IPO8: variants seen among roughly 807,000 people sequenced by gnomAD.
IPO8 encodes the protein importin 8.
Under a neutral mutation model 141.2 loss-of-function variants are expected in IPO8, and 65 were observed. That is an observed-to-expected ratio of 0.46 (90% CI 0.38 to 0.57). IPO8 has a LOEUF of 0.57. Ranked by LOEUF, IPO8 falls within the 20% of genes least tolerant of loss-of-function variation. The pLI is 0.00. For missense variants in IPO8, 980 were observed against 1,246.8 expected (o/e 0.79, Z 3.22); for synonymous variants, 411 against 420.3 (o/e 0.98, Z 0.27).
intron 23 of IPO8, 42 bp from the exon 24 acceptor site, chr12:30,632,053 T>C: frequency 7.5e-7 from 1 of 1,328,808 alleles, no homozygotes; most frequent in Non-Finnish European, 1.1e-6. Context: ...GTACAGCGAC[T>C]ATTAATTTAC....
chr12:30,674,777 T>C (rs1353539597), intron 6 of IPO8, 24 bp from the exon 7 acceptor site: 2 of 1,450,126 alleles, frequency 1.4e-6, no homozygotes, highest in Admixed American at 1.7e-5. Flanking sequence ...ATTACCCAGA[T>C]TAAAGTTCTG....
intron 14 of IPO8, 76 bp downstream of exon 14, chr12:30,663,413 T>C (rs2052916042): frequency 1.6e-6 from 2 of 1,254,722 alleles, no homozygotes; most frequent in Non-Finnish European, 2.2e-6. Flanking sequence ...CCCTCAGACA[T>C]GGAGATGCAT....
At chr12:30,666,028 C>T (rs1280919271) in intron 11 of IPO8, 147 bp downstream of exon 11, 1 of 641,760 alleles carries the variant, frequency 1.6e-6, no homozygotes, top group Non-Finnish European at 2.6e-6. Context: ...CCCCCTTTCC[C>T]CTCACCAGGA....
chr12:30,644,180 CCA>C (rs1393405868), intron 20 of IPO8, among the ~76,000 whole-genome samples: 4 of 152,060 alleles, frequency 2.6e-5, no homozygotes, highest in Admixed American at 6.5e-5. Context: ...GCGGCCAAAA[CCA>C]CATAGTGAGA....
chr12:30,653,441 C>T (rs1394717100), intron 17 of IPO8, among the ~76,000 whole-genome samples: 2 of 151,896 alleles, frequency 1.3e-5, no homozygotes, highest in East Asian at 1.9e-4. Flanking sequence ...TCATTTATGT[C>T]GAGGATTTAA....
At chr12:30,693,020 AT>A (rs1799945000) in intron 1 of IPO8, among the ~76,000 whole-genome samples, 1 of 152,222 alleles carries the variant, frequency 6.6e-6, no homozygotes, top group African/African-American at 2.4e-5. Context: ...ACATAAACAA[AT>A]TATCTTAATA....
intron 3 of IPO8, 43 bp from the exon 4 acceptor site, chr12:30,681,860 A>C: frequency 6.6e-7 from 1 of 1,514,846 alleles, no homozygotes; most frequent in Non-Finnish European, 9.0e-7. Flanking sequence ...AGTAATTATA[A>C]ATACTGTGTT....
At chr12:30,694,792 G>A (rs942390444) in intron 1 of IPO8, among the ~76,000 whole-genome samples, 3 of 152,136 alleles carry the variant, frequency 2.0e-5, no homozygotes, top group African/African-American at 7.2e-5. Context: ...TTTAGTAAGA[G>A]GTCTGTGATT....
At chr12:30,660,779 T>A (rs916291837) in intron 16 of IPO8, among the ~76,000 whole-genome samples, 3 of 152,174 alleles carry the variant, frequency 2.0e-5, no homozygotes, top group African/African-American at 7.2e-5. Flanking sequence ...TGTCACTCTC[T>A]ACCAAGAATT....
At chr12:30,693,982 A>G (rs2053314841) in intron 1 of IPO8, among the ~76,000 whole-genome samples, 1 of 152,204 alleles carries the variant, frequency 6.6e-6, no homozygotes, top group Non-Finnish European at 1.5e-5. Context: ...GCTTTCTCAT[A>G]TACTTTTTCC....
At chr12:30,642,089 G>C (rs1245081336) in intron 20 of IPO8, among the ~76,000 whole-genome samples, 1 of 151,960 alleles carries the variant, frequency 6.6e-6, no homozygotes, top group Non-Finnish European at 1.5e-5. Context: ...CCAGCTACTC[G>C]GGAGGCTGAG....
intron 20 of IPO8, among the ~76,000 whole-genome samples, chr12:30,644,600 A>G (rs1427941802): frequency 1.3e-5 from 2 of 151,676 alleles, no homozygotes; most frequent in African/African-American, 4.8e-5. Context: ...AAGCTCCCTC[A>G]GGTCCAAACA....
chr12:30,671,478 C>T (rs1469252535), intron 8 of IPO8, among the ~76,000 whole-genome samples: 1 of 151,986 alleles, frequency 6.6e-6, no homozygotes, highest in Non-Finnish European at 1.5e-5. Context: ...ACGAGAGCAT[C>T]CTGGCTAACA....
rs1474243702 is a variant in IPO8, at chr12:30,677,088, C to T, written c.640-501G>A. ...TTGCAGAAGACGGATATTGCCTCCA[C>T]ATCCATTCAGTACAAAACATGCTAC... is the stretch of plus-strand genomic sequence containing the variant. On this transcript the variant is annotated intron_variant, in intron 5 of 24. Coordinates refer to ENST00000256079, the MANE Select transcript of IPO8 (RefSeq NM_006390.4). The T allele has an allele frequency of 2.6e-6, 4 of 1,514,678 alleles. No individual in the cohort carries two copies. In the East Asian group the frequency reaches 7.6e-5, roughly 29 times the overall value. 93.8% of individuals were successfully genotyped at this position (1,514,678 alleles called of 1,614,324 possible). A position where few individuals can be genotyped will look rare whatever the true frequency, so the allele number is the denominator to read the frequency against.
chr12:30,639,223 G>A (rs1326689397), intron 21 of IPO8, among the ~76,000 whole-genome samples: 5 of 151,886 alleles, frequency 3.3e-5, no homozygotes, highest in Non-Finnish European at 7.4e-5. Context: ...AACCCAGACA[G>A]ACAACTAATT....
chr12:30,680,313 G>T, intron 5 of IPO8, 169 bp downstream of exon 5: 1 of 528,934 alleles, frequency 1.9e-6, no homozygotes, highest in Non-Finnish European at 3.2e-6. Flanking sequence ...CCATTGAGAC[G>T]ATCTTGGGTA....
intron 5 of IPO8, 141 bp from the exon 6 acceptor site, chr12:30,676,728 C>A: frequency 1.3e-6 from 1 of 771,784 alleles, no homozygotes; most frequent in Non-Finnish European, 2.1e-6. Context: ...TTCAACCTAA[C>A]TTAAAACAGA....
rs529033546 is a variant in IPO8, at chr12:30,672,865, G to C, written c.909+1125C>G. Among the ~76,000 whole-genome samples, 3 of 152,044 alleles carry C rather than the reference G, an allele frequency of 2.0e-5. No homozygotes were observed. In the South Asian group the frequency reaches 6.2e-4, roughly 32 times the overall value. Reference sequence around the variant, plus strand: ...GTACTTTTTAGAAAGCATTCTACTAGGCAAAATGATAACACATAAACGGAA... The same window carrying C: ...GTACTTTTTAGAAAGCATTCTACTACGCAAAATGATAACACATAAACGGAA... On this transcript the variant is annotated intron_variant, in intron 8 of 24. Coordinates refer to ENST00000256079, the MANE Select transcript of IPO8 (RefSeq NM_006390.4).
chr12:30,670,999 T>C lies in IPO8; in HGVS notation c.1007A>G (p.His336Arg), dbSNP rs1194222139. The part of the protein sequence containing the change: ...AFNYLNQGVV[H>R]SITWKQMKPH... ...CTTCATCTGCTTCCAGGTTATAGAA[T>C]GAACCACCCCTTGGTTGAGATAGTT... Residue 336 changes from histidine (H) to arginine (R), a missense_variant, in exon 9 of 25, where the codon CAT becomes CGT. By Grantham distance (29) the His-to-Arg change is conservative. This residue lies in a region of IPO8 where 924 missense variants were observed against 1,153.9 expected (regional missense o/e 0.80). Coordinates refer to ENST00000256079, the MANE Select transcript of IPO8 (RefSeq NM_006390.4). 2 of 1,613,796 alleles carry C rather than the reference T, an allele frequency of 1.2e-6. No individual in the cohort carries two copies. Among genetic ancestry groups the C allele is most frequent in the African/African-American group, 2.7e-5 (2 of 74,922 alleles).
Sources: allele counts gnomAD v4.1 joint callset (sites outside exome capture counted in the v4.1 genomes callset), GRCh38; gene constraint gnomAD v4.1.1; regional missense constraint gnomAD v4.1.1; transcripts MANE v1.5; gene names NCBI Gene and HGNC (gene_info 2026-07-23, HGNC 2026-07-21).